The following PUDP variants were observed in gnomAD, a reference collection of about 807,000 sequenced individuals.
The protein encoded by PUDP is pseudouridine 5'-phosphatase, also known as pseudouridine-5'-phosphatase.
In PUDP, 8 loss-of-function variants were observed where a neutral mutation model predicts 9.4. The ratio of observed to expected loss-of-function variants is 0.85; its 90% CI spans 0.50 to 1.53. PUDP has a LOEUF of 1.53. Among genes scored for constraint, PUDP ranks in the 40% most tolerant of loss-of-function variants. PUDP has a pLI of 0.00. For missense variants in PUDP, 188 were observed against 189.7 expected (o/e 0.99, Z 0.05); for synonymous variants, 99 against 80.7 (o/e 1.23, Z -1.22).
At chrX:6,948,488 T>C (rs1042455894) in intron 3 of PUDP, among the ~76,000 whole-genome samples, 10 of 111,647 alleles carry the variant, frequency 9.0e-5, no homozygotes, top group Non-Finnish European at 1.5e-4. Context: ...TTTTAAACAT[T>C]AATGTGCACA....
chrX:6,811,374 G>A (rs1444593553), intron 3 of PUDP, among the ~76,000 whole-genome samples: 2 of 110,598 alleles, frequency 1.8e-5, no homozygotes, highest in African/African-American at 6.6e-5. Flanking sequence ...GAGTGCAATG[G>A]TGTGACCTCG....
At chrX:6,792,447 C>A (rs1263739846) in intron 3 of PUDP, among the ~76,000 whole-genome samples, 1 of 108,943 alleles carries the variant, frequency 9.2e-6, no homozygotes, top group Non-Finnish European at 1.9e-5. Context: ...ACCCACCCCT[C>A]CTCAAAAGTT....
chrX:6,992,421 C>G (rs887837657), intron 1 of PUDP, among the ~76,000 whole-genome samples: 2 of 102,883 alleles, frequency 1.9e-5, no homozygotes, highest in Non-Finnish European at 4.0e-5. Context: ...TACAGGCGCC[C>G]GCCACCGTGC....
At chrX:6,805,423 C>T (rs1262403265) in intron 3 of PUDP, among the ~76,000 whole-genome samples, 1 of 111,337 alleles carries the variant, frequency 9.0e-6, no homozygotes, top group Non-Finnish European at 1.9e-5. Context: ...GAGAGACCCA[C>T]ATGTCACACA....
intron 1 of PUDP, among the ~76,000 whole-genome samples, chrX:6,990,830 G>C (rs1461118932): frequency 8.9e-6 from 1 of 112,772 alleles, no homozygotes; most frequent in African/African-American, 3.2e-5. Flanking sequence ...GTTGGAGAGA[G>C]GGTGTGTGAG....
chrX:6,845,776 T>G (rs1392077854), intron 3 of PUDP, among the ~76,000 whole-genome samples: 1 of 112,163 alleles, frequency 8.9e-6, no homozygotes, highest in African/African-American at 3.2e-5. Flanking sequence ...CCTAGAAATA[T>G]TCAGCCCCTT....
At chrX:7,004,519 C>A (rs184293258) in intron 1 of PUDP, among the ~76,000 whole-genome samples, 1 of 111,613 alleles carries the variant, frequency 9.0e-6, no homozygotes, top group Non-Finnish European at 1.9e-5. Flanking sequence ...GCTCATTTCC[C>A]GAAATTTTCC....
At chrX:6,970,276 C>A (rs1222263298) in intron 3 of PUDP, among the ~76,000 whole-genome samples, 1 of 112,373 alleles carries the variant, frequency 8.9e-6, no homozygotes, top group Non-Finnish European at 1.9e-5. Flanking sequence ...GGAAGGTATG[C>A]TATTATTTCA....
chrX:6,848,854 G>T (rs1368493219), intron 3 of PUDP, among the ~76,000 whole-genome samples: 1 of 112,389 alleles, frequency 8.9e-6, no homozygotes, highest in East Asian at 2.8e-4. Flanking sequence ...AGCCATGCTT[G>T]TAGAGCCTAC....
At chrX:7,016,751 A>C (rs1057012595) in intron 1 of PUDP, among the ~76,000 whole-genome samples, 2 of 110,796 alleles carry the variant, frequency 1.8e-5, no homozygotes, top group Admixed American at 1.9e-4. Context: ...GGTGCTGGAC[A>C]GTGGGGAGGT....
intron 3 of PUDP, among the ~76,000 whole-genome samples, chrX:6,753,525 T>A (rs1925132295): frequency 8.9e-6 from 1 of 112,204 alleles, no homozygotes; most frequent in Non-Finnish European, 1.9e-5. Flanking sequence ...TAGTTCTACT[T>A]TTAGTTCTTT....
intron 1 of PUDP, among the ~76,000 whole-genome samples, chrX:7,029,852 T>C (rs1368671647): frequency 2.7e-5 from 3 of 111,687 alleles, no homozygotes; most frequent in Admixed American, 1.9e-4. Flanking sequence ...GTCTTGAAAA[T>C]GTTATTTCAA....
intron 3 of PUDP, among the ~76,000 whole-genome samples, chrX:6,743,354 C>G (rs1924962373): frequency 9.0e-6 from 1 of 111,653 alleles, no homozygotes; most frequent in Admixed American, 9.5e-5. Context: ...TACAGGCTAA[C>G]ATTGACTTAG....
intron 3 of PUDP, among the ~76,000 whole-genome samples, chrX:7,062,852 T>C (rs1930442898): frequency 9.1e-6 from 1 of 110,015 alleles, no homozygotes; most frequent in Non-Finnish European, 1.9e-5. Flanking sequence ...GTATTGTTTA[T>C]GTCTAGTAAG....
chrX:7,074,900 C>G (rs1016968003), intron 3 of PUDP, among the ~76,000 whole-genome samples: 3 of 112,269 alleles, frequency 2.7e-5, no homozygotes, highest in African/African-American at 6.5e-5. Context: ...TGGGAGGTCT[C>G]AGGCACGTCC....
chrX:6,849,701 T>C (rs186862107), intron 3 of PUDP, among the ~76,000 whole-genome samples: 4 of 112,292 alleles, frequency 3.6e-5, no homozygotes, highest in African/African-American at 1.3e-4. Flanking sequence ...CACTCTCTTC[T>C]AACTGATCCA....
rs1326264631 is a variant in PUDP, at chrX:7,084,894, T to TA, written c.281-7446dup. 4 of 111,648 alleles carry TA rather than the reference T, an allele frequency of 3.6e-5. No individual in the cohort carries two copies. The East Asian group carries it at 8.5e-4, about 24-fold the overall frequency. The allele number at this position is 111,648 out of a possible 1,213,427, so 9.2% of individuals were successfully genotyped here. ...TTTGTCAATTAAAAAATAAATAAGT[T>TA]AAAAAAATAGCATCCGGTTATCCGA... On this transcript the variant is annotated intron_variant, in intron 2 of 3. Transcript: ENST00000381077.
chrX:6,719,473 G>T (rs1388280447), intron 1 of PUDP, among the ~76,000 whole-genome samples: 1 of 112,349 alleles, frequency 8.9e-6, no homozygotes, highest in African/African-American at 3.2e-5. Context: ...CTGATTCACA[G>T]AAACTGTGAG....
chrX:7,007,055 C>A (rs1318611411), intron 1 of PUDP, among the ~76,000 whole-genome samples: 1 of 111,240 alleles, frequency 9.0e-6, no homozygotes, highest in African/African-American at 3.3e-5. Context: ...GAAAGCCAAC[C>A]ACTGAGACAA....
Sources: gnomAD v4.1 joint callset for allele counts (sites outside exome capture counted in the v4.1 genomes callset) on GRCh38, gnomAD v4.1.1 for gene constraint, MANE v1.5 for transcripts, NCBI Gene and HGNC (gene_info 2026-07-23, HGNC 2026-07-21) for gene names.